The following VMP1 variants were observed in gnomAD, a reference collection of about 807,000 sequenced individuals.
VMP1 encodes the protein vacuole membrane protein 1, also known as ectopic P-granules autophagy protein 3 homolog.
In VMP1, 11 loss-of-function variants were observed where a neutral mutation model predicts 56.0. The ratio of observed to expected loss-of-function variants is 0.20; its 90% CI spans 0.12 to 0.32. The LOEUF (loss-of-function observed/expected upper bound fraction) is 0.32. VMP1 is among the 10% of genes least tolerant of loss of function. The pLI, the probability that VMP1 is intolerant of heterozygous loss-of-function variation, is 1.00. For missense variants in VMP1, 296 were observed against 490.3 expected (o/e 0.60, Z 3.74); for synonymous variants, 149 against 165.0 (o/e 0.90, Z 0.74).
At chr17:59,803,148 A>G (rs1331195724) in intron 7 of VMP1, among the ~76,000 whole-genome samples, 1 of 152,218 alleles carries the variant, frequency 6.6e-6, no homozygotes, top group East Asian at 1.9e-4. Context: ...ATTTACATTC[A>G]TGTTGACATC....
Position 59,822,692 on chromosome 17 carries a change from G to A in VMP1, c.974+4919G>A, listed in dbSNP as rs1333524871. Among the ~76,000 whole-genome samples the A allele has an allele frequency of 2.0e-5, 3 of 152,170 alleles. No individual in the cohort carries two copies. In the East Asian group the frequency reaches 5.8e-4, roughly 29 times the overall value. On this transcript the variant is annotated intron_variant, in intron 10 of 11. Transcript: ENST00000262291. Reference sequence around the variant, plus strand: ...GTAGCCTCACCAAACCTAAAATGGAGATTAAGTTCAATAAAGAGAACAAAT... The same window carrying A: ...GTAGCCTCACCAAACCTAAAATGGAAATTAAGTTCAATAAAGAGAACAAAT...
intron 10 of VMP1, among the ~76,000 whole-genome samples, chr17:59,836,241 A>T (rs868254110): frequency 3.0e-4 from 45 of 149,796 alleles, no homozygotes; most frequent in Middle Eastern, 3.4e-3. Context: ...TTATTTATTT[A>T]TTTTTTTGAG....
chr17:59,735,646 T>A, intron 3 of VMP1, 173 bp downstream of exon 3: 1 of 681,736 alleles, frequency 1.5e-6, no homozygotes, highest in Non-Finnish European at 2.3e-6. Context: ...AAAAATAGAT[T>A]AGGGAAAGAC....
At chr17:59,758,149 C>G (rs753899841) in intron 5 of VMP1, among the ~76,000 whole-genome samples, 1 of 152,050 alleles carries the variant, frequency 6.6e-6, no homozygotes, top group African/African-American at 2.4e-5. Context: ...GCCTATTTGC[C>G]ACTTTAAGAT....
chr17:59,813,133 C>T (rs552739409), intron 9 of VMP1, among the ~76,000 whole-genome samples: 1 of 152,182 alleles, frequency 6.6e-6, no homozygotes, highest in East Asian at 1.9e-4. Flanking sequence ...AAGTTTATTG[C>T]GTCTGTCCTC....
chr17:59,783,755 CCCTT>C (rs1468941862), intron 7 of VMP1, among the ~76,000 whole-genome samples: 5 of 152,146 alleles, frequency 3.3e-5, no homozygotes, highest in Admixed American at 3.3e-4. Context: ...CCTCTCTTCT[CCCTT>C]CCCGCTACTG....
intron 1 of VMP1, among the ~76,000 whole-genome samples, chr17:59,713,227 G>C (rs1343692571): frequency 6.7e-6 from 1 of 149,862 alleles, no homozygotes; most frequent in African/African-American, 2.5e-5. Context: ...CAGGAGGGGG[G>C]ACATCACACA....
chr17:59,827,616 A>G (rs1771747629), intron 10 of VMP1, among the ~76,000 whole-genome samples: 1 of 151,928 alleles, frequency 6.6e-6, no homozygotes, highest in African/African-American at 2.4e-5. Flanking sequence ...CCTGATTTTT[A>G]AGTTTTAGAA....
At chr17:59,753,645 C>T (rs2035735125) in intron 5 of VMP1, among the ~76,000 whole-genome samples, 2 of 152,088 alleles carry the variant, frequency 1.3e-5, no homozygotes, top group Admixed American at 6.5e-5. Context: ...GAGCAGTTTC[C>T]TGGCAAAAGA....
At chr17:59,809,156 C>T (rs1161028235) in intron 8 of VMP1, among the ~76,000 whole-genome samples, 5 of 151,000 alleles carry the variant, frequency 3.3e-5, no homozygotes, top group South Asian at 2.1e-4. Flanking sequence ...TGCACCCCCA[C>T]GCCTGGCTAA....
intron 5 of VMP1, among the ~76,000 whole-genome samples, chr17:59,741,512 T>G (rs941302602): frequency 6.6e-6 from 1 of 152,172 alleles, no homozygotes; most frequent in Non-Finnish European, 1.5e-5. Flanking sequence ...AGGACAAATA[T>G]GACAGAAATT....
intron 2 of VMP1, among the ~76,000 whole-genome samples, chr17:59,732,740 C>T (rs2034879339): frequency 6.6e-6 from 1 of 152,170 alleles, no homozygotes; most frequent in South Asian, 2.1e-4. Context: ...TTTTAGAGAG[C>T]ACATACATTT....
chr17:59,709,019 A>G (rs144849652), intron 1 of VMP1, among the ~76,000 whole-genome samples: 1,765 of 152,304 alleles, frequency 0.012, 17 homozygotes, highest in Non-Finnish European at 0.017. Flanking sequence ...TTTAATTTCT[A>G]TGAGTCACAT....
intron 5 of VMP1, among the ~76,000 whole-genome samples, chr17:59,759,071 A>G (rs2035948772): frequency 6.6e-6 from 1 of 151,914 alleles, no homozygotes; most frequent in Admixed American, 6.6e-5. Context: ...GGGTGATGGA[A>G]TGAGAGACCC....
chr17:59,772,768 CA>C (rs1209130241), intron 6 of VMP1, among the ~76,000 whole-genome samples: 73 of 134,104 alleles, frequency 5.4e-4, no homozygotes, highest in Admixed American at 8.3e-4. Context: ...GACTTCATCT[CA>C]AAAAAAAAAA....
chr17:59,768,081 G>C (rs2036293452), intron 6 of VMP1, among the ~76,000 whole-genome samples: 1 of 151,568 alleles, frequency 6.6e-6, no homozygotes, highest in Admixed American at 6.6e-5. Flanking sequence ...CTGCACTTCA[G>C]CCTGTGCAAC....
chr17:59,773,960 G>T, intron 7 of VMP1, 75 bp downstream of exon 7: 7 of 1,242,562 alleles, frequency 5.6e-6, no homozygotes, highest in East Asian at 3.1e-5. Context: ...ATTGTTAGTA[G>T]TTACTCTGAA....
At chr17:59,735,607 ATATT>A (rs2034989801) in intron 3 of VMP1, 134 bp downstream of exon 3, 2 of 936,128 alleles carry the variant, frequency 2.1e-6, no homozygotes, top group Non-Finnish European at 3.1e-6. Flanking sequence ...CCATAGGAAC[ATATT>A]TATTCTCCTT....
At chr17:59,765,420 A>G (rs2036196353) in intron 6 of VMP1, among the ~76,000 whole-genome samples, 1 of 152,190 alleles carries the variant, frequency 6.6e-6, no homozygotes, top group African/African-American at 2.4e-5. Flanking sequence ...TGAGCCTTGA[A>G]CCATGTGTGG....
Sources: gnomAD v4.1 joint callset for allele counts (sites outside exome capture counted in the v4.1 genomes callset) on GRCh38, gnomAD v4.1.1 for gene constraint, MANE v1.5 for transcripts, NCBI Gene and HGNC (gene_info 2026-07-23, HGNC 2026-07-21) for gene names.